XPO1: variants seen among roughly 807,000 people sequenced by gnomAD.
XPO1 encodes exportin 1, also known as exportin-1.
XPO1 carries 5 observed loss-of-function variants against 133.3 expected under a neutral mutation model. The ratio of observed to expected loss-of-function variants is 0.04; its 90% CI spans 0.02 to 0.08. The LOEUF is 0.08. Among genes scored for constraint, XPO1 ranks in the 10% least tolerant of loss-of-function variants. XPO1 has a pLI of 1.00. For missense variants in XPO1, 506 were observed against 1,267.5 expected, an observed-to-expected ratio of 0.40 and a Z score of 9.12; for synonymous variants, 419 against 408.2, an observed-to-expected ratio of 1.03 and a Z score of -0.32.
At chr2:61,488,086 T>C in intron 19 of XPO1, 79 bp downstream of exon 19, 2 of 1,259,368 alleles carry the variant, frequency 1.6e-6, no homozygotes, top group East Asian at 2.3e-5. Context: ...ATTAGCAAAA[T>C]GCACATAATA....
intron 4 of XPO1, among the ~76,000 whole-genome samples, chr2:61,508,474 T>C (rs1477695405): frequency 1.3e-5 from 2 of 152,110 alleles, no homozygotes; most frequent in Non-Finnish European, 2.9e-5. Context: ...CAATATCAAA[T>C]AGTCAATATA....
At chr2:61,526,596 G>A in intron 2 of XPO1, 75 bp from the exon 3 acceptor site, 2 of 1,125,908 alleles carry the variant, frequency 1.8e-6, no homozygotes, top group East Asian at 2.9e-5. Flanking sequence ...GAAAACTACT[G>A]AGCAAGGCAC....
At chr2:61,491,893 C>CTG in intron 16 of XPO1, 142 bp downstream of exon 16, 1 of 1,057,658 alleles carries the variant, frequency 9.5e-7, no homozygotes, top group Non-Finnish European at 1.3e-6. Flanking sequence ...GAGTAAGACC[C>CTG]TGTCTCAAGG....
At chr2:61,493,834 A>T in intron 12 of XPO1, 60 bp downstream of exon 12, 1 of 1,550,360 alleles carries the variant, frequency 6.5e-7, no homozygotes, top group Non-Finnish European at 8.9e-7. Flanking sequence ...AAGTATTTGG[A>T]TTCAGACCTC....
At chr2:61,526,829 T>A (rs895182236) in intron 2 of XPO1, among the ~76,000 whole-genome samples, 12 of 150,478 alleles carry the variant, frequency 8.0e-5, no homozygotes, top group African/African-American at 2.9e-4. Context: ...CGCCTCAGCC[T>A]CCTGAGTAGC....
intron 4 of XPO1, among the ~76,000 whole-genome samples, chr2:61,515,815 G>A (rs1698346087): frequency 6.6e-6 from 1 of 151,754 alleles, no homozygotes. Context: ...CGGGCACGGT[G>A]GCTCACGCCT....
chr2:61,507,257 A>AAAAAAAAAAAC (rs1697872799), intron 4 of XPO1, among the ~76,000 whole-genome samples: 1 of 150,120 alleles, frequency 6.7e-6, no homozygotes, highest in Non-Finnish European at 1.5e-5. Context: ...AAAAAAAAAA[A>AAAAAAAAAAAC]AAGAGTGAAG....
At chr2:61,513,487 G>C (rs763002302) in intron 4 of XPO1, among the ~76,000 whole-genome samples, 1 of 150,316 alleles carries the variant, frequency 6.7e-6, no homozygotes, top group Non-Finnish European at 1.5e-5. Context: ...AACACACCCA[G>C]CTAATTTTTG....
At chr2:61,483,752 C>A (rs1696530759) in intron 21 of XPO1, 185 bp downstream of exon 21, 2 of 608,104 alleles carry the variant, frequency 3.3e-6, no homozygotes, top group East Asian at 3.1e-5. Flanking sequence ...CTCAATTCTG[C>A]CTATGGACTC....
intron 24 of XPO1, among the ~76,000 whole-genome samples, chr2:61,480,884 A>G (rs527856959): frequency 6.6e-6 from 1 of 152,232 alleles, no homozygotes; most frequent in East Asian, 1.9e-4. Flanking sequence ...TAAAATTATA[A>G]AAAGAACTAC....
At chr2:61,488,384 T>G (rs1696796799) in intron 18 of XPO1, 113 bp from the exon 19 acceptor site, 1 of 1,244,830 alleles carries the variant, frequency 8.0e-7, no homozygotes, top group African/African-American at 1.5e-5. Flanking sequence ...AAGCCAAAAG[T>G]TCACAAAATT....
At chr2:61,489,009 G>A (rs1345231255) in intron 17 of XPO1, among the ~76,000 whole-genome samples, 3 of 152,102 alleles carry the variant, frequency 2.0e-5, no homozygotes, top group African/African-American at 7.2e-5. Context: ...GGTTGAGGCA[G>A]GAGAACGGCG....
intron 4 of XPO1, among the ~76,000 whole-genome samples, chr2:61,518,878 C>A (rs1698543935): frequency 6.6e-6 from 1 of 152,156 alleles, no homozygotes; most frequent in South Asian, 2.1e-4. Context: ...GTTTTATTAT[C>A]TCGCCATTTC....
At chr2:61,516,759 C>T (rs1295964675) in intron 4 of XPO1, among the ~76,000 whole-genome samples, 4 of 152,062 alleles carry the variant, frequency 2.6e-5, no homozygotes, top group Non-Finnish European at 5.9e-5. Context: ...ATAAGCCATA[C>T]ACATTAACTG....
chr2:61,517,998 T>G (rs1281027744), intron 4 of XPO1, among the ~76,000 whole-genome samples: 2 of 151,970 alleles, frequency 1.3e-5, no homozygotes, highest in African/African-American at 4.8e-5. Flanking sequence ...GGCATGGTGG[T>G]GTGCATCTGT....
At chr2:61,491,081 A>C (rs1197259053) in intron 16 of XPO1, among the ~76,000 whole-genome samples, 1 of 152,076 alleles carries the variant, frequency 6.6e-6, no homozygotes, top group African/African-American at 2.4e-5. Flanking sequence ...CCTGGGAGGC[A>C]GAGGTTGCAG....
chr2:61,522,940 A>G (rs1201546007), intron 3 of XPO1, among the ~76,000 whole-genome samples: 1 of 152,190 alleles, frequency 6.6e-6, no homozygotes, highest in East Asian at 1.9e-4. Context: ...GGAAGAACCA[A>G]ATAAAAAGCC....
chr2:61,484,443 G>A (rs764570100), intron 20 of XPO1: 8 of 206,262 alleles, frequency 3.9e-5, no homozygotes, highest in Admixed American at 5.9e-5. Context: ...TTAAGTTACC[G>A]TGTAAATGTG....
At chr2:61,508,561 G>T (rs1051170188) in intron 4 of XPO1, among the ~76,000 whole-genome samples, 1 of 152,088 alleles carries the variant, frequency 6.6e-6, no homozygotes, top group African/African-American at 2.4e-5. Flanking sequence ...AACTTAGAAG[G>T]TACACACCAT....
Sources: allele counts gnomAD v4.1 joint callset (sites outside exome capture counted in the v4.1 genomes callset), GRCh38; gene constraint gnomAD v4.1.1; transcripts MANE v1.5; gene names NCBI Gene and HGNC (gene_info 2026-07-23, HGNC 2026-07-21).